Variants in DIAPH3 observed in about 807,000 individuals in gnomAD.
DIAPH3 encodes the protein diaphanous related formin 3.
DIAPH3 carries 117 observed loss-of-function variants against 144.3 expected under a neutral mutation model. That is an observed-to-expected ratio of 0.81 (90% CI 0.70 to 0.95). DIAPH3 has a LOEUF of 0.95. Among genes scored for constraint, DIAPH3 ranks in the 40% least tolerant of loss-of-function variants. DIAPH3 has a pLI of 0.00. For synonymous variants in DIAPH3, 519 were observed against 488.9 expected (o/e 1.06, Z -0.81); for missense variants, 1,421 against 1,412.7 (o/e 1.01, Z -0.09).
At position 59,881,612 on chromosome 13, in the gene DIAPH3, T is replaced by C. The variant is rs568627059; in HGVS notation, c.2368-2144A>G. On this transcript the variant is annotated intron_variant, in intron 20 of 27. Coordinates refer to ENST00000400324, the MANE Select transcript of DIAPH3 (RefSeq NM_001042517.2). ...ACAAGCTAACCATATGTAGCCAGCATAGAGTAATTAATTCTCCTAGAAAAA... is the reference window on the plus strand; with the variant it reads ...ACAAGCTAACCATATGTAGCCAGCACAGAGTAATTAATTCTCCTAGAAAAA... 1.6e-3 allele frequency among the ~76,000 whole-genome samples: 240 copies of C among 152,296 alleles called. 2 individuals are homozygous for C. Among genetic ancestry groups the C allele is most frequent in the African/African-American group, 5.5e-3 (227 of 41,566 alleles).
In DIAPH3 at chr13:59,781,499, AG is replaced by A. The variant is rs552478324; in HGVS notation, c.3164-6677del. ...AGGGACAAGAGAGCAAAGTGGCAAA[AG>A]GAATTCCCAGGATGTCCCAGTCTCA... On this transcript the variant is annotated intron_variant, in intron 25 of 27. Coordinates refer to ENST00000400324, the MANE Select transcript of DIAPH3 (RefSeq NM_001042517.2). 2.0e-4 allele frequency among the ~76,000 whole-genome samples: 31 copies of A among 152,328 alleles called. 1 individual carries two copies. In the South Asian group the frequency reaches 6.2e-3, roughly 31 times the overall value.
chr13:59,809,889 C>T (rs1462740446), intron 25 of DIAPH3, among the ~76,000 whole-genome samples: 3 of 152,060 alleles, frequency 2.0e-5, no homozygotes, highest in Admixed American at 6.5e-5. Context: ...AGCAGTGAAG[C>T]GGATGGATTT....
At chr13:59,739,276 T>C (rs2036318293) in intron 27 of DIAPH3, among the ~76,000 whole-genome samples, 1 of 152,234 alleles carries the variant, frequency 6.6e-6, no homozygotes, top group Non-Finnish European at 1.5e-5. Flanking sequence ...ATCTTGAATG[T>C]ATTTGGCATC....
intron 17 of DIAPH3, among the ~76,000 whole-genome samples, chr13:59,938,609 GAA>G (rs1193148524): frequency 7.3e-6 from 1 of 137,794 alleles, no homozygotes; most frequent in Admixed American, 7.3e-5. Context: ...ACCTTGTTTG[GAA>G]AAAAAAAAAA....
At chr13:59,764,419 C>T (rs1397710370) in intron 27 of DIAPH3, among the ~76,000 whole-genome samples, 3 of 151,486 alleles carry the variant, frequency 2.0e-5, no homozygotes, top group Non-Finnish European at 4.4e-5. Context: ...CCCTCAGAGT[C>T]CTGGGAGGGA....
Position 59,755,958 on chromosome 13 carries a change from T to C in DIAPH3, c.3319+18231A>G, listed in dbSNP as rs543148288. On this transcript the variant is annotated intron_variant, in intron 27 of 27. Transcript: ENST00000400324. ...GAAATATATGGCTCACAAAGACTAATAAAAAATATGATATTAATCAATGAT... is the reference window on the plus strand; with the variant it reads ...GAAATATATGGCTCACAAAGACTAACAAAAAATATGATATTAATCAATGAT... 7.9e-5 allele frequency among the ~76,000 whole-genome samples: 12 copies of C among 152,146 alleles called. 1 individual carries two copies. The highest frequency in any genetic ancestry group is 1.6e-4 in the Non-Finnish European group (11 of 68,028).
At chr13:60,032,882 G>GCTCT (rs1438445512) in intron 5 of DIAPH3, among the ~76,000 whole-genome samples, 3 of 152,154 alleles carry the variant, frequency 2.0e-5, no homozygotes, top group Non-Finnish European at 4.4e-5. Context: ...AAACCTTTAT[G>GCTCT]CTCTTCTTCC....
At chr13:59,706,779 CTTTT>C (rs1347177701) in intron 27 of DIAPH3, among the ~76,000 whole-genome samples, 5 of 152,276 alleles carry the variant, frequency 3.3e-5, no homozygotes, top group East Asian at 1.9e-4. Context: ...GGTCAACTTT[CTTTT>C]GTCTCCTTTT....
intron 20 of DIAPH3, among the ~76,000 whole-genome samples, chr13:59,893,951 T>C (rs577019969): frequency 6.6e-6 from 1 of 152,160 alleles, no homozygotes. Flanking sequence ...ATTGATTGTA[T>C]GCAATTTTTA....
At chr13:59,843,005 C>A (rs967096077) in intron 22 of DIAPH3, among the ~76,000 whole-genome samples, 1 of 152,116 alleles carries the variant, frequency 6.6e-6, no homozygotes, top group Non-Finnish European at 1.5e-5. Flanking sequence ...AATCTTCAGC[C>A]CCTCTCGCAC....
At chr13:59,918,383 A>G (rs948132327) in intron 18 of DIAPH3, among the ~76,000 whole-genome samples, 3 of 152,160 alleles carry the variant, frequency 2.0e-5, no homozygotes, top group African/African-American at 7.2e-5. Flanking sequence ...CACTGGTACC[A>G]GACAGGAATC....
At chr13:59,842,403 G>A (rs969356585) in intron 22 of DIAPH3, among the ~76,000 whole-genome samples, 1 of 152,062 alleles carries the variant, frequency 6.6e-6, no homozygotes, top group Non-Finnish European at 1.5e-5. Context: ...AATGTTGGGA[G>A]GGAACATAGA....
intron 27 of DIAPH3, among the ~76,000 whole-genome samples, chr13:59,708,778 T>C (rs1389253716): frequency 6.6e-6 from 1 of 152,204 alleles, no homozygotes; most frequent in African/African-American, 2.4e-5. Context: ...AGCTCTGACC[T>C]GTCTCTGGAA....
intron 24 of DIAPH3, among the ~76,000 whole-genome samples, chr13:59,824,725 C>T (rs1007564294): frequency 3.3e-5 from 5 of 152,116 alleles, no homozygotes; most frequent in Admixed American, 1.3e-4. Flanking sequence ...AAAGAGAACA[C>T]CAATATAATG....
intron 4 of DIAPH3, among the ~76,000 whole-genome samples, chr13:60,063,816 C>G (rs752212108): frequency 6.6e-6 from 1 of 152,006 alleles, no homozygotes; most frequent in Non-Finnish European, 1.5e-5. Context: ...GTGATCCCAG[C>G]TACTCGAGAG....
chr13:59,672,142 G>T (rs1469803585), intron 27 of DIAPH3, among the ~76,000 whole-genome samples: 1 of 152,188 alleles, frequency 6.6e-6, no homozygotes, highest in Non-Finnish European at 1.5e-5. Flanking sequence ...AGCTAAGAAG[G>T]CAAGGCTAAC....
intron 23 of DIAPH3, chr13:59,839,050 G>T (rs768453303): frequency 4.2e-5 from 13 of 310,200 alleles, no homozygotes; most frequent in Non-Finnish European, 8.2e-5. Flanking sequence ...AGCAGAGGTT[G>T]CAGTGAGCCA....
chr13:60,101,521 CTT>C (rs1229364840), intron 3 of DIAPH3, among the ~76,000 whole-genome samples: 56 of 143,004 alleles, frequency 3.9e-4, no homozygotes, highest in Middle Eastern at 3.7e-3. Context: ...TTTGCGATTT[CTT>C]TTTTTTTTTT....
chr13:59,671,173 G>A (rs1353264840), intron 27 of DIAPH3, among the ~76,000 whole-genome samples: 3 of 152,206 alleles, frequency 2.0e-5, no homozygotes, highest in Non-Finnish European at 2.9e-5. Context: ...ACAACAGAGT[G>A]ATCCCACAAC....
Sources: gnomAD v4.1 joint callset for allele counts (sites outside exome capture counted in the v4.1 genomes callset) on GRCh38, gnomAD v4.1.1 for gene constraint, MANE v1.5 for transcripts, NCBI Gene and HGNC (gene_info 2026-07-23, HGNC 2026-07-21) for gene names.